Variants in MICU1 observed in about 807,000 individuals in gnomAD.
MICU1 encodes calcium uptake protein 1, mitochondrial.
Under a neutral mutation model 56.8 loss-of-function variants are expected in MICU1, and 45 were observed. The ratio of observed to expected loss-of-function variants is 0.79; its 90% confidence interval spans 0.62 to 1.02. The LOEUF (loss-of-function observed/expected upper bound fraction) is 1.02. Ranked by LOEUF, MICU1 falls within the 50% of genes least tolerant of loss-of-function variation. The pLI is 0.00. For missense variants in MICU1, 504 were observed against 587.1 expected (o/e 0.86, Z 1.46); for synonymous variants, 186 against 195.1 (o/e 0.95, Z 0.39).
intron 1 of MICU1, among the ~76,000 whole-genome samples, chr10:72,597,547 C>G (rs1412357423): frequency 1.3e-5 from 2 of 152,054 alleles, no homozygotes; most frequent in Non-Finnish European, 2.9e-5. Context: ...TATGTAAATA[C>G]ATAATGAGAT....
chr10:72,456,849 TTGTGTGTGTGTGTGTGTGTGTGTG>T lies in MICU1; in HGVS notation c.933+18227_933+18250del, dbSNP rs56262647. On this transcript the variant is annotated intron_variant, in intron 8 of 11. Coordinates refer to ENST00000361114, the MANE Select transcript of MICU1 (RefSeq NM_001195518.2). ...GATGCACCACCATGCCGGGCTCATT[TTGTGTGTGTGTGTGTGTGTGTGTG>T]TGTGTGTGTGTGTGTGTGTGTGTGT... is the stretch of plus-strand genomic sequence containing the variant. Among the ~76,000 whole-genome samples the T allele has an allele frequency of 1.8e-3, 243 of 134,416 alleles. 5 individuals are homozygous for T. Among genetic ancestry groups the T allele is most frequent in the South Asian group, 0.011 (42 of 3,930 alleles). 88.2% of individuals were successfully genotyped at this position (134,416 alleles called of 152,430 possible).
chr10:72,402,196 C>T (rs768091479), intron 10 of MICU1, among the ~76,000 whole-genome samples: 3 of 151,124 alleles, frequency 2.0e-5, no homozygotes, highest in African/African-American at 7.3e-5. Flanking sequence ...ATACTCAGAA[C>T]AGCCTGAGGT....
intron 1 of MICU1, among the ~76,000 whole-genome samples, chr10:72,575,930 T>A (rs1256750760): frequency 6.6e-6 from 1 of 152,068 alleles, no homozygotes; most frequent in African/African-American, 2.4e-5. Flanking sequence ...AAGCTAGAAG[T>A]GGGCCGGGCG....
At chr10:72,421,263 T>A (rs1864163383) in intron 9 of MICU1, among the ~76,000 whole-genome samples, 1 of 151,556 alleles carries the variant, frequency 6.6e-6, no homozygotes, top group African/African-American at 2.4e-5. Context: ...TTTTTCTTTA[T>A]CTTTTTTTTT....
chr10:72,412,525 T>C (rs998298850), intron 9 of MICU1, among the ~76,000 whole-genome samples: 1 of 152,212 alleles, frequency 6.6e-6, no homozygotes, highest in African/African-American at 2.4e-5. Flanking sequence ...CATTAGGAAG[T>C]TGCTAAGCAA....
chr10:72,503,832 A>G (rs1181596779), intron 6 of MICU1, among the ~76,000 whole-genome samples: 2 of 151,458 alleles, frequency 1.3e-5, no homozygotes, highest in East Asian at 3.9e-4. Flanking sequence ...TCAAGCTGAG[A>G]GCCAAATCAA....
At chr10:72,433,086 C>T (rs1258331918) in intron 8 of MICU1, among the ~76,000 whole-genome samples, 2 of 149,288 alleles carry the variant, frequency 1.3e-5, no homozygotes, top group African/African-American at 2.5e-5. Flanking sequence ...TACAGGTCTG[C>T]ACCACCATGC....
At chr10:72,397,349 C>A (rs949990047) in intron 10 of MICU1, among the ~76,000 whole-genome samples, 1 of 152,130 alleles carries the variant, frequency 6.6e-6, no homozygotes, top group Non-Finnish European at 1.5e-5. Context: ...CAAAGACCAT[C>A]GATGCTATGA....
At position 72,385,042 on chromosome 10, in the gene MICU1, G is replaced by A. The variant is rs1478573835; in HGVS notation, c.1181-9170C>T. Reference sequence around the variant, plus strand: ...TTGCTGTGAATTTGCCCCACTTTCCGGCATCACATAAAAGCATTGAGTCCT... The same window carrying A: ...TTGCTGTGAATTTGCCCCACTTTCCAGCATCACATAAAAGCATTGAGTCCT... On this transcript the variant is annotated intron_variant, in intron 10 of 11. Transcript: ENST00000361114. 3.9e-5 allele frequency among the ~76,000 whole-genome samples: 6 copies of A among 152,112 alleles called. No homozygotes were observed. In the South Asian group the frequency reaches 1.2e-3, roughly 32 times the overall value.
intron 8 of MICU1, among the ~76,000 whole-genome samples, chr10:72,471,615 T>A (rs1243309736): frequency 6.6e-6 from 1 of 152,174 alleles, no homozygotes; most frequent in Non-Finnish European, 1.5e-5. Flanking sequence ...TTGTTTTTGT[T>A]TTTGCTAAAA....
At chr10:72,530,065 C>T (rs1009676411) in intron 5 of MICU1, among the ~76,000 whole-genome samples, 9 of 149,738 alleles carry the variant, frequency 6.0e-5, no homozygotes, top group Middle Eastern at 3.5e-3. Flanking sequence ...TGGTGGCTCA[C>T]GCCTGTAATC....
intron 9 of MICU1, among the ~76,000 whole-genome samples, chr10:72,418,162 G>C (rs1381742370): frequency 6.6e-6 from 1 of 152,146 alleles, no homozygotes; most frequent in Non-Finnish European, 1.5e-5. Context: ...TTCCCTCCCA[G>C]GACATATGGG....
At chr10:72,588,678 G>A (rs1473170399) in intron 1 of MICU1, among the ~76,000 whole-genome samples, 1 of 152,172 alleles carries the variant, frequency 6.6e-6, no homozygotes, top group Non-Finnish European at 1.5e-5. Context: ...CCCAAACCAT[G>A]GCACTATTGG....
chr10:72,378,744 T>C (rs186505795), intron 10 of MICU1, among the ~76,000 whole-genome samples: 30 of 152,310 alleles, frequency 2.0e-4, no homozygotes, highest in African/African-American at 7.0e-4. Context: ...GCTCCAGTTC[T>C]GGCCCCACCA....
rs999584082 is a variant in MICU1, at chr10:72,525,015, C to G, written c.537+8731G>C. Among the ~76,000 whole-genome samples, 9 of 152,078 alleles carry G rather than the reference C, an allele frequency of 5.9e-5. No individual in the cohort carries two copies. The South Asian group carries it at 1.0e-3, about 18-fold the overall frequency. On this transcript the variant is annotated intron_variant, in intron 5 of 11. Coordinates refer to ENST00000361114, the MANE Select transcript of MICU1 (RefSeq NM_001195518.2). ...CATGGCAAATAGTTGCTTTGCCACT[C>G]ATATTAATATAGGCAATCAAATATG...
chr10:72,551,716 C>T (rs1241645880), intron 3 of MICU1, among the ~76,000 whole-genome samples: 1 of 152,082 alleles, frequency 6.6e-6, no homozygotes, highest in Non-Finnish European at 1.5e-5. Flanking sequence ...TATATGCCAA[C>T]CTATAGCTTC....
chr10:72,376,698 T>C (rs2132038660), intron 10 of MICU1, among the ~76,000 whole-genome samples: 1 of 152,200 alleles, frequency 6.6e-6, no homozygotes, highest in Non-Finnish European at 1.5e-5. Context: ...TTAGAGGTTA[T>C]TGTGGGCTGA....
chr10:72,472,154 C>T (rs958139349), intron 8 of MICU1, among the ~76,000 whole-genome samples: 2 of 152,110 alleles, frequency 1.3e-5, no homozygotes, highest in African/African-American at 4.8e-5. Context: ...ATATTTTGAA[C>T]TCCATGATCT....
At position 72,423,221 on chromosome 10, in the gene MICU1, C is replaced by T; in HGVS notation, c.1071+13G>A. 1 of 1,609,294 alleles carries T rather than the reference C, an allele frequency of 6.2e-7. No individual in the cohort carries two copies. The highest frequency in any genetic ancestry group is 8.5e-7 in the Non-Finnish European group (1 of 1,177,884). On this transcript the variant is annotated intron_variant, in intron 9 of 11. Transcript: ENST00000361114. ...CCACGGTTTCTCTTCTTCCTCCAGC[C>T]AAAGCTACCTACCTTTCCTTCTTTG... is the stretch of plus-strand genomic sequence containing the variant.
Sources: allele counts gnomAD v4.1 joint callset (sites outside exome capture counted in the v4.1 genomes callset), GRCh38; gene constraint gnomAD v4.1.1; transcripts MANE v1.5; gene names NCBI Gene and HGNC (gene_info 2026-07-23, HGNC 2026-07-21).